The following ADCY4 variants were observed in gnomAD, a reference collection of about 807,000 sequenced individuals.
The protein encoded by ADCY4 is adenylate cyclase type 4.
In ADCY4, 111 loss-of-function variants were observed where a neutral mutation model predicts 125.5. The ratio of observed to expected loss-of-function variants is 0.88; its 90% CI spans 0.76 to 1.04. ADCY4 has a LOEUF of 1.04. Among genes scored for constraint, ADCY4 ranks in the 50% least tolerant of loss-of-function variants. ADCY4 has a pLI of 0.00. For missense variants in ADCY4, 1,256 were observed against 1,382.9 expected, an observed-to-expected ratio of 0.91 and a Z score of 1.46; for synonymous variants, 576 against 586.9, an observed-to-expected ratio of 0.98 and a Z score of 0.27.
chr14:24,334,346 A>AG, intron 1 of ADCY4, 148 bp downstream of exon 1: 1 of 1,344,836 alleles, frequency 7.4e-7, no homozygotes, highest in East Asian at 2.6e-5. Context: ...TGACTTGCCC[A>AG]GGGTCACTGC....
At chr14:24,328,794 CG>C in intron 10 of ADCY4, 1 of 450,976 alleles carries the variant, frequency 2.2e-6, no homozygotes, top group Non-Finnish European at 3.9e-6. Flanking sequence ...AGAGACCCAC[CG>C]ACCCTGTGGG....
chr14:24,332,075 C>T (rs2042050226), intron 3 of ADCY4, 138 bp from the exon 4 acceptor site: 3 of 1,147,038 alleles, frequency 2.6e-6, no homozygotes, highest in African/African-American at 3.2e-5. Context: ...AGTGGTGCCA[C>T]ACTGTGGCAT....
chr14:24,332,069 G>A, intron 3 of ADCY4, 132 bp from the exon 4 acceptor site: 4 of 1,157,676 alleles, frequency 3.5e-6, no homozygotes, highest in Non-Finnish European at 4.6e-6. Flanking sequence ...GGGACAAGTG[G>A]TGCCACACTG....
chr14:24,323,394 A>G lies in ADCY4; in HGVS notation c.2107T>C (p.Ser703Pro). The G allele has an allele frequency of 6.4e-7, 1 of 1,557,936 alleles. No individual in the cohort carries two copies. Among genetic ancestry groups the G allele is most frequent in the Non-Finnish European group, 8.7e-7 (1 of 1,149,814 alleles). The change falls in exon 17 of 25, where the codon TCC becomes CCC. Residue 703 changes from serine (S) to proline (P), a missense_variant. Ser to Pro is a moderately conservative substitution (Grantham distance 74). Transcript: ENST00000418030. Reference protein sequence around the residue: ...FQAPNVSSMISNLSWELPGSL... With the variant: ...FQAPNVSSMIPNLSWELPGSL... ...CCAGGGAGCTCCCAGGAGAGGTTGG[A>G]AATCATGGAGGACACATTGGGAGCT...
At chr14:24,330,769 C>A in intron 6 of ADCY4, 1 of 495,042 alleles carries the variant, frequency 2.0e-6, no homozygotes, top group Non-Finnish European at 3.6e-6. Context: ...GGGCTCTGAG[C>A]ATGTTTGGGG....
rs927906504 is a variant in ADCY4 at position 24,330,536 on chromosome 14, A to C, written c.931-241T>G. 1.8e-5 allele frequency: 9 copies of C among 501,936 alleles called. No homozygotes were observed. In the South Asian group the frequency reaches 1.9e-4, roughly 11 times the overall value. The allele number at this position is 501,936 out of a possible 1,614,324, so 31.1% of individuals were successfully genotyped here. A position where few individuals can be genotyped will look rare whatever the true frequency, so the allele number is the denominator to read the frequency against. On this transcript the variant is annotated intron_variant, in intron 6 of 24. Transcript: ENST00000418030. Reference sequence around the variant, plus strand: ...GGCTGTGGCTCTTTCCACTTTTGGCATGTTGAAGGGGGTACCCAGAGTTGA... The same window carrying C: ...GGCTGTGGCTCTTTCCACTTTTGGCCTGTTGAAGGGGGTACCCAGAGTTGA...
chr14:24,323,362 C>T lies in ADCY4; in HGVS notation c.2139G>A (p.Leu713=), dbSNP rs2041886517. The T allele has an allele frequency of 7.7e-6, 12 of 1,555,130 alleles. No individual in the cohort carries two copies. Among genetic ancestry groups the T allele is most frequent in the Non-Finnish European group, 1.0e-5 (12 of 1,148,414 alleles). The change falls in exon 17 of 25, where the codon CTG becomes CTA. Residue 713 remains leucine (L), a synonymous_variant. Transcript: ENST00000418030. ...SNLSWELPGS[L]PLISVPYSMH... Reference sequence around the variant, plus strand: ...CACTCACTGGGACACTGATGAGAGGCAGAGACCCAGGGAGCTCCCAGGAGA... The same window carrying T: ...CACTCACTGGGACACTGATGAGAGGTAGAGACCCAGGGAGCTCCCAGGAGA...
Position 24,329,057 on chromosome 14 carries a change from A to T in ADCY4, c.1524+4T>A. The stretch of plus-strand genomic sequence containing the variant: ...TCTGGGGCTCAGGATGAAGGTGCAC[A>T]TACCGGGAGAGGGGTGGAGGTGGAC... On this transcript the variant is annotated splice_donor_region_variant and intron_variant, in intron 10 of 24. Coordinates refer to ENST00000418030, the MANE Select transcript of ADCY4 (RefSeq NM_001198568.2). The T allele has an allele frequency of 6.2e-7, 1 of 1,612,916 alleles. No homozygotes were observed. Among genetic ancestry groups the T allele is most frequent in the Non-Finnish European group, 8.5e-7 (1 of 1,179,456 alleles).
At chr14:24,329,768 T>G in intron 8 of ADCY4, 92 bp downstream of exon 8, 1 of 1,535,770 alleles carries the variant, frequency 6.5e-7, no homozygotes, top group Non-Finnish European at 8.8e-7. Flanking sequence ...GTACTCATCT[T>G]GTGCTTATCT....
At chr14:24,321,103 T>G (rs970542639) in intron 20 of ADCY4, among the ~76,000 whole-genome samples, 4 of 151,622 alleles carry the variant, frequency 2.6e-5, no homozygotes, top group Admixed American at 2.6e-4. Context: ...TTTTTTTTTT[T>G]TTTTTTTGCC....
In ADCY4 at chr14:24,334,721, G is replaced by A; in HGVS notation, c.-69C>T. 6 of 1,309,888 alleles carry A rather than the reference G, an allele frequency of 4.6e-6. No homozygotes were observed. The South Asian group carries it at 7.4e-5, about 16-fold the overall frequency. The allele number at this position is 1,309,888 out of a possible 1,614,324, so 81.1% of individuals were successfully genotyped here. Reference sequence around the variant, plus strand: ...CCGGGTTACCTCCTTCGGCCCGGCGGGCCCCACCTGAGCTTTTCTCACCCG... The same window carrying A: ...CCGGGTTACCTCCTTCGGCCCGGCGAGCCCCACCTGAGCTTTTCTCACCCG... On this transcript the variant is annotated 5_prime_UTR_variant, in exon 1 of 25. Transcript: ENST00000418030.
chr14:24,325,683 A>G (rs1002385213), intron 13 of ADCY4, 135 bp downstream of exon 13: 2 of 1,091,400 alleles, frequency 1.8e-6, no homozygotes, highest in Admixed American at 2.2e-5. Flanking sequence ...TTTCCTTTAG[A>G]GAGAGGCACA....
In ADCY4 at chr14:24,326,571, T is replaced by TTGTGTGTGTGTG. The variant is rs71119070; in HGVS notation, c.1525-241_1525-230dup. 4.9e-4 allele frequency: 136 copies of TTGTGTGTGTGTG among 278,272 alleles called. 1 individual carries two copies. Among genetic ancestry groups the TTGTGTGTGTGTG allele is most frequent in the African/African-American group, 3.1e-3 (127 of 40,396 alleles). 17.2% of individuals were successfully genotyped at this position (278,272 alleles called of 1,614,324 possible). A position where few individuals can be genotyped will look rare whatever the true frequency, so the allele number is the denominator to read the frequency against. ...CTGACTCTCTAGACTCCCAGGATCT[T>TTGTGTGTGTGTG]TGTGTGTGTGTGTGTGTGTGTGTGT... On this transcript the variant is annotated intron_variant, in intron 10 of 24. Transcript: ENST00000418030.
At position 24,318,361 on chromosome 14, in the gene ADCY4, G is replaced by A; in HGVS notation, c.*55C>T. ...ATATCAGCAGCTTCAGACATCAATG[G>A]GCTCCAGACACCCCAGAGTCTCTTT... On this transcript the variant is annotated 3_prime_UTR_variant, in exon 25 of 25. Transcript: ENST00000418030. 4 of 1,571,426 alleles carry A rather than the reference G, an allele frequency of 2.5e-6. No individual in the cohort carries two copies. Among genetic ancestry groups the A allele is most frequent in the Non-Finnish European group, 3.5e-6 (4 of 1,155,256 alleles).
chr14:24,322,941 G>A lies in ADCY4; in HGVS notation c.2305C>T (p.Leu769Phe), dbSNP rs1162281214. 8 of 1,611,950 alleles carry A rather than the reference G, an allele frequency of 5.0e-6. No homozygotes were observed. The highest frequency in any genetic ancestry group is 6.8e-6 in the Non-Finnish European group (8 of 1,179,086). ...LHSHAWLSEC[L>F]IVRLYLGPLD... Reference sequence around the variant, plus strand: ...GGGCCCAGATAGAGGCGGACGATGAGGCATTCCGACAGCCAGGCATGGGAG... The same window carrying A: ...GGGCCCAGATAGAGGCGGACGATGAAGCATTCCGACAGCCAGGCATGGGAG... Residue 769 changes from leucine (L) to phenylalanine (F), a missense_variant, in exon 18 of 25, where the codon CTC becomes TTC. Coordinates refer to ENST00000418030, the MANE Select transcript of ADCY4 (RefSeq NM_001198568.2).
At chr14:24,322,573 A>T (rs2041869047) in intron 19 of ADCY4, 51 bp downstream of exon 19, 1 of 1,573,236 alleles carries the variant, frequency 6.4e-7, no homozygotes, top group Non-Finnish European at 8.7e-7. Flanking sequence ...AGTCACAGAT[A>T]TGGGGGCCAC....
At chr14:24,325,927 C>T (rs752197686) in intron 12 of ADCY4, 40 bp from the exon 13 acceptor site, 1 of 1,577,002 alleles carries the variant, frequency 6.3e-7, no homozygotes, top group South Asian at 1.1e-5. Context: ...CACCAGAGAA[C>T]AGAGGGCACA....
intron 10 of ADCY4, among the ~76,000 whole-genome samples, chr14:24,328,377 C>T (rs981212334): frequency 2.6e-5 from 4 of 152,202 alleles, no homozygotes; most frequent in South Asian, 2.1e-4. Flanking sequence ...TCAGTGGTCA[C>T]GCTCCTAGTC....
chr14:24,323,919 A>T (rs2041897849), intron 16 of ADCY4, 143 bp downstream of exon 16: 1 of 1,240,374 alleles, frequency 8.1e-7, no homozygotes, highest in Admixed American at 2.8e-5. Context: ...GGAGACTGTA[A>T]TTTTTTTCTT....
Sources: allele counts gnomAD v4.1 joint callset (sites outside exome capture counted in the v4.1 genomes callset), GRCh38; gene constraint gnomAD v4.1.1; transcripts MANE v1.5; gene names NCBI Gene and HGNC (gene_info 2026-07-23, HGNC 2026-07-21).